The following HTR1F variants were observed in gnomAD, a reference collection of about 807,000 sequenced individuals.
The protein encoded by HTR1F is 5-hydroxytryptamine (serotonin) receptor 1F, G protein-coupled.
HTR1F carries 17 observed loss-of-function variants against 24.0 expected under a neutral mutation model. The observed-to-expected ratio is 0.71, with a 90% CI of 0.48 to 1.06. The LOEUF is 1.06. Ranked by LOEUF, HTR1F falls within the 50% of genes least tolerant of loss-of-function variation. HTR1F has a pLI of 0.00. For missense variants in HTR1F, 391 were observed against 427.8 expected, an observed-to-expected ratio of 0.91 and a Z score of 0.76; for synonymous variants, 186 against 156.8, an observed-to-expected ratio of 1.19 and a Z score of -1.39.
Position 87,987,729 on chromosome 3 carries a change from G to GTATTATATATA in HTR1F, c.-42-2975_-42-2974insATATATATATT, listed in dbSNP as rs1576125773. Among the ~76,000 whole-genome samples the GTATTATATATA allele has an allele frequency of 8.8e-4, 79 of 89,340 alleles. 4 individuals carry two copies. The highest frequency in any genetic ancestry group is 0.011 in the Middle Eastern group (2 of 190). 58.6% of individuals were successfully genotyped at this position (89,340 alleles called of 152,430 possible). On this transcript the variant is annotated intron_variant, in intron 2 of 2. Coordinates refer to ENST00000319595, the MANE Select transcript of HTR1F (RefSeq NM_001322209.2). Reference sequence around the variant, plus strand: ...TATTATATATATGTATTTTATATATGTATTTTATATATATAAAATATATGT... The same window carrying GTATTATATATA: ...TATTATATATATGTATTTTATATATGTATTATATATATATTTTATATATATAAAATATATGT...
chr3:87,969,806 A>C (rs1203528809), intron 2 of HTR1F, among the ~76,000 whole-genome samples: 2 of 152,188 alleles, frequency 1.3e-5, no homozygotes, highest in South Asian at 4.1e-4. Context: ...CCCACATGTC[A>C]AATTGTAGCT....
chr3:87,892,702 G>C (rs1187198017), intron 2 of HTR1F, among the ~76,000 whole-genome samples: 1 of 152,078 alleles, frequency 6.6e-6, no homozygotes, highest in Non-Finnish European at 1.5e-5. Flanking sequence ...CTAGAGAATA[G>C]TGCATGTTCA....
At chr3:87,984,766 T>G (rs1413002241) in intron 2 of HTR1F, among the ~76,000 whole-genome samples, 1 of 152,120 alleles carries the variant, frequency 6.6e-6, no homozygotes, top group Non-Finnish European at 1.5e-5. Flanking sequence ...CCAAAAGAGG[T>G]ATTTTTATAA....
intron 2 of HTR1F, among the ~76,000 whole-genome samples, chr3:87,957,063 G>A (rs1200680386): frequency 6.6e-6 from 1 of 151,234 alleles, no homozygotes; most frequent in African/African-American, 2.4e-5. Context: ...ACTTTCACAA[G>A]GAAACAGGAC....
chr3:87,857,677 A>G (rs142422106), intron 2 of HTR1F, among the ~76,000 whole-genome samples: 36 of 152,178 alleles, frequency 2.4e-4, no homozygotes, highest in African/African-American at 7.9e-4. Context: ...AGCCTCCCCC[A>G]TTAGCAACAT....
In HTR1F at chr3:87,954,737, G is replaced by A. The variant is rs573496818; in HGVS notation, c.-42-35971G>A. Among the ~76,000 whole-genome samples, 3 of 151,716 alleles carry A rather than the reference G, an allele frequency of 2.0e-5. No homozygotes were observed. The South Asian group carries it at 6.2e-4, about 31-fold the overall frequency. ...AAATACTGATATAAACATGTAAGGA[G>A]AATGGGGCTTAGCAGGTGGAATAAT... is the stretch of plus-strand genomic sequence containing the variant. On this transcript the variant is annotated intron_variant, in intron 2 of 2. Coordinates refer to ENST00000319595, the MANE Select transcript of HTR1F (RefSeq NM_001322209.2).
chr3:87,869,018 G>C (rs912979234), intron 2 of HTR1F, among the ~76,000 whole-genome samples: 5 of 151,994 alleles, frequency 3.3e-5, no homozygotes, highest in Admixed American at 6.6e-5. Context: ...TTCAAATGTT[G>C]CTATTATACA....
At chr3:87,834,999 G>A (rs1455743318) in intron 2 of HTR1F, among the ~76,000 whole-genome samples, 1 of 152,154 alleles carries the variant, frequency 6.6e-6, no homozygotes, top group Non-Finnish European at 1.5e-5. Flanking sequence ...GAAAGATTAA[G>A]TGTCTTGCCC....
In HTR1F at chr3:87,993,412, T is replaced by C. The variant is rs961654538; in HGVS notation, c.*1562T>C. On this transcript the variant is annotated 3_prime_UTR_variant, in exon 3 of 3. Coordinates refer to ENST00000319595, the MANE Select transcript of HTR1F (RefSeq NM_001322209.2). ...GAAACAAGAAAAAATAAAACTATAA[T>C]AGAAAAGAGCAAACTAAAATCTGGC... 1.2e-5 allele frequency: 2 copies of C among 166,804 alleles called. No individual in the cohort carries two copies. The highest frequency in any genetic ancestry group is 2.4e-5 in the African/African-American group (1 of 41,398). The allele number at this position is 166,804 out of a possible 1,614,324, so 10.3% of individuals were successfully genotyped here.
At chr3:87,940,678 TA>T (rs1704546733) in intron 2 of HTR1F, among the ~76,000 whole-genome samples, 1 of 152,186 alleles carries the variant, frequency 6.6e-6, no homozygotes, top group Non-Finnish European at 1.5e-5. Flanking sequence ...AAGACACTCG[TA>T]AGCAAAAACA....
chr3:87,966,029 T>C (rs1263758630), intron 2 of HTR1F, among the ~76,000 whole-genome samples: 1 of 152,182 alleles, frequency 6.6e-6, no homozygotes, highest in Non-Finnish European at 1.5e-5. Flanking sequence ...TTCAGACTAC[T>C]ATAACAAAAT....
chr3:87,807,135 T>A (rs2107085704), intron 1 of HTR1F, among the ~76,000 whole-genome samples: 1 of 152,142 alleles, frequency 6.6e-6, no homozygotes, highest in East Asian at 1.9e-4. Flanking sequence ...CACACAAATT[T>A]TAGGATTATT....
intron 2 of HTR1F, among the ~76,000 whole-genome samples, chr3:87,931,036 T>C (rs1373529804): frequency 8.5e-6 from 1 of 117,458 alleles, no homozygotes; most frequent in African/African-American, 3.5e-5. Context: ...CTTTTTTTTT[T>C]TTTTTTTTTT....
At chr3:87,864,758 C>T (rs745907255) in intron 2 of HTR1F, among the ~76,000 whole-genome samples, 4 of 151,596 alleles carry the variant, frequency 2.6e-5, no homozygotes, top group African/African-American at 7.3e-5. Flanking sequence ...TAGCTGGTTG[C>T]GGTGGTGAGC....
chr3:87,976,132 A>G (rs1353191190), intron 2 of HTR1F, among the ~76,000 whole-genome samples: 1 of 152,250 alleles, frequency 6.6e-6, no homozygotes, highest in Non-Finnish European at 1.5e-5. Context: ...AGAGAAAAGT[A>G]GATTAAAGAT....
intron 2 of HTR1F, among the ~76,000 whole-genome samples, chr3:87,934,993 G>A (rs1428860485): frequency 6.6e-6 from 1 of 152,110 alleles, no homozygotes; most frequent in Non-Finnish European, 1.5e-5. Flanking sequence ...AGCCTCACAA[G>A]TAGCTGGGAC....
intron 2 of HTR1F, among the ~76,000 whole-genome samples, chr3:87,884,567 G>C (rs528136928): frequency 5.9e-5 from 9 of 152,224 alleles, no homozygotes; most frequent in Admixed American, 5.2e-4. Context: ...ATTGGATAAA[G>C]AGTCAAGACT....
At chr3:87,928,117 C>G (rs1238045817) in intron 2 of HTR1F, among the ~76,000 whole-genome samples, 4 of 150,352 alleles carry the variant, frequency 2.7e-5, no homozygotes, top group Admixed American at 2.7e-4. Flanking sequence ...GCAATCTCAG[C>G]TCACTGCAAC....
chr3:87,900,373 G>T (rs111451535), intron 2 of HTR1F, among the ~76,000 whole-genome samples: 1,636 of 152,334 alleles, frequency 0.011, 25 homozygotes, highest in African/African-American at 0.036. Flanking sequence ...AGCTGGAGCT[G>T]AGTGGATGAA....
Sources: allele counts gnomAD v4.1 joint callset (sites outside exome capture counted in the v4.1 genomes callset), GRCh38; gene constraint gnomAD v4.1.1; transcripts MANE v1.5; gene names NCBI Gene and HGNC (gene_info 2026-07-23, HGNC 2026-07-21).